IL17D: variants seen among roughly 807,000 people sequenced by gnomAD.
IL17D encodes interleukin 17D.
A neutral mutation model predicts 5.7 loss-of-function variants in IL17D; 10 were observed. The ratio of observed to expected loss-of-function variants is 1.75; its 90% CI spans 1.08 to 2.97. The LOEUF is 2.97. IL17D is among the 30% of genes most tolerant of loss of function. The pLI is 0.00. For missense variants in IL17D, 354 were observed against 292.7 expected (o/e 1.21, Z -1.53); for synonymous variants, 172 against 141.7 (o/e 1.21, Z -1.52).
intron 1 of IL17D, among the ~76,000 whole-genome samples, chr13:20,720,873 A>ACCCCCCCCCCCCCCCCCCCC (rs1566522176): frequency 5.5e-5 from 2 of 36,140 alleles, no homozygotes; most frequent in African/African-American, 1.2e-4. Flanking sequence ...CCTCCCTCCC[A>ACCCCCCCCCCCCCCCCCCCC]ACCCCCCCCC....
At chr13:20,719,027 C>G (rs2058710649) in intron 1 of IL17D, among the ~76,000 whole-genome samples, 1 of 135,706 alleles carries the variant, frequency 7.4e-6, no homozygotes, top group South Asian at 2.2e-4. Flanking sequence ...CATGCCCACA[C>G]AGACACCCGT....
At chr13:20,720,619 C>T (rs2058723826) in intron 1 of IL17D, among the ~76,000 whole-genome samples, 1 of 152,228 alleles carries the variant, frequency 6.6e-6, no homozygotes, top group African/African-American at 2.4e-5. Context: ...AGCAAGGCCA[C>T]CTGGCCAAGC....
At chr13:20,708,752 C>T (rs1243947381) in intron 1 of IL17D, among the ~76,000 whole-genome samples, 2 of 150,190 alleles carry the variant, frequency 1.3e-5, no homozygotes, top group African/African-American at 2.5e-5. Flanking sequence ...GTAATCCCAG[C>T]ACTTTGGGAG....
chr13:20,704,215 C>A lies in IL17D; in HGVS notation c.214C>A (p.Pro72Thr). Residue 72 changes from proline to threonine, a missense_variant, in exon 1 of 2, where the codon CCG becomes ACG. Physicochemically the swap from Pro to Thr is conservative, Grantham distance 38 (BLOSUM62 -1). Transcript: ENST00000682841. Reference protein sequence around the residue: ...PREQARNASCPAGGRPADRRF... With the variant: ...PREQARNASCTAGGRPADRRF... Reference sequence around the variant, plus strand: ...TGAGCAGGCGCGCAACGCGAGCTGCCCGGCAGGGGGCAGGCCCGCCGACCG... The same window carrying A: ...TGAGCAGGCGCGCAACGCGAGCTGCACGGCAGGGGGCAGGCCCGCCGACCG... The A allele has an allele frequency of 7.3e-7, 1 of 1,366,360 alleles. No homozygotes were observed. Among genetic ancestry groups the A allele is most frequent in the Non-Finnish European group, 9.5e-7 (1 of 1,055,588 alleles). The allele number at this position is 1,366,360 out of a possible 1,614,324, so 84.6% of individuals were successfully genotyped here.
In IL17D at chr13:20,704,101, C is replaced by T. The variant is rs2058567567; in HGVS notation, c.100C>T (p.Arg34Trp). ...CGCGCGGCCGCGGGGCTGCGCGGAC[C>T]GGCCGGAGGAGCTACTGGAGCAGCT... ...RPARPRGCADRPEELLEQLYG... is the reference protein window; with the variant it reads ...RPARPRGCADWPEELLEQLYG... The change falls in exon 1 of 2, where the codon CGG becomes TGG. Residue 34 changes from arginine (R) to tryptophan (W), a missense_variant. Physicochemically the swap from Arg to Trp is moderately radical, Grantham distance 101. Coordinates refer to ENST00000682841, the MANE Select transcript of IL17D (RefSeq NM_001385224.1). 8.0e-7 allele frequency: 1 copy of T among 1,255,092 alleles called. No individual in the cohort carries two copies. Among genetic ancestry groups the T allele is most frequent in the Non-Finnish European group, 1.0e-6 (1 of 989,126 alleles). 77.7% of individuals were successfully genotyped at this position (1,255,092 alleles called of 1,614,324 possible).
intron 1 of IL17D, among the ~76,000 whole-genome samples, chr13:20,706,788 C>T (rs560040497): frequency 1.9e-4 from 29 of 152,206 alleles, no homozygotes; most frequent in Admixed American, 1.3e-3. Context: ...ATCTGGGAGC[C>T]GAGGGAGGTT....
chr13:20,715,688 A>C (rs2058673660), intron 1 of IL17D, among the ~76,000 whole-genome samples: 1 of 152,156 alleles, frequency 6.6e-6, no homozygotes, highest in Non-Finnish European at 1.5e-5. Flanking sequence ...TTGCATTAAA[A>C]ATTTTTTTTA....
chr13:20,716,034 C>T lies in IL17D; in HGVS notation c.291-5602C>T. 1 of 971,468 alleles carries T rather than the reference C, an allele frequency of 1.0e-6. No homozygotes were observed. The highest frequency in any genetic ancestry group is 1.2e-6 in the Non-Finnish European group (1 of 817,140). 60.2% of individuals were successfully genotyped at this position (971,468 alleles called of 1,614,324 possible). On this transcript the variant is annotated intron_variant, in intron 1 of 1. Coordinates refer to ENST00000682841, the MANE Select transcript of IL17D (RefSeq NM_001385224.1). The surrounding 1 kb of genome is among the most constrained non-coding windows in gnomAD (Gnocchi z 4.2). The stretch of plus-strand genomic sequence containing the variant: ...ACAGGCATGAGCCACCGCGCCCGGC[C>T]AGAATCGACACTTTTAACAGGAGTC...
chr13:20,712,125 A>AGGGG (rs2058642891), intron 1 of IL17D, among the ~76,000 whole-genome samples: 1 of 152,264 alleles, frequency 6.6e-6, no homozygotes, highest in African/African-American at 2.4e-5. Context: ...CCTGGAATAC[A>AGGGG]GCCAGGAACC....
chr13:20,710,451 T>TAAAA (rs60458842), intron 1 of IL17D, among the ~76,000 whole-genome samples: 27,311 of 83,022 alleles, frequency 0.33, 6,443 homozygotes, highest in Non-Finnish European at 0.47. Context: ...CCATCTCTAC[T>TAAAA]AAAAAAAAAA....
At chr13:20,702,696 C>G (rs548570169), upstream of IL17D, 1 of 152,242 alleles carries the variant, frequency 6.6e-6, no homozygotes, top group South Asian at 2.1e-4. Context: ...TAGGAACTCT[C>G]CAACATCGTC....
upstream of IL17D, chr13:20,703,545 T>G (rs1322678604): frequency 1.9e-6 from 1 of 529,800 alleles, no homozygotes; most frequent in Non-Finnish European, 2.4e-6. Flanking sequence ...GGGGCAAGGG[T>G]GGGTCTGCGA....
chr13:20,720,568 G>A (rs1246318800), intron 1 of IL17D, among the ~76,000 whole-genome samples: 1 of 152,012 alleles, frequency 6.6e-6, no homozygotes, highest in African/African-American at 2.4e-5. Flanking sequence ...GCCCTCTCCG[G>A]TGCCTTCACC....
rs1187637223 is a variant in IL17D at position 20,716,064 on chromosome 13, A to G, written c.291-5572A>G. On this transcript the variant is annotated intron_variant, in intron 1 of 1. Coordinates refer to ENST00000682841, the MANE Select transcript of IL17D (RefSeq NM_001385224.1). The surrounding 1 kb of genome is among the most constrained non-coding windows in gnomAD (Gnocchi z 4.2). ...TCGACACTTTTAACAGGAGTCCCATATAGGCCTCATGCCGGTGGTCTGAAA... is the reference window on the plus strand; with the variant it reads ...TCGACACTTTTAACAGGAGTCCCATGTAGGCCTCATGCCGGTGGTCTGAAA... 2.0e-6 allele frequency: 2 copies of G among 984,834 alleles called. No homozygotes were observed. The highest frequency in any genetic ancestry group is 2.4e-6 in the Non-Finnish European group (2 of 829,514). 61.0% of individuals were successfully genotyped at this position (984,834 alleles called of 1,614,324 possible). A position where few individuals can be genotyped will look rare whatever the true frequency, so the allele number is the denominator to read the frequency against.
In IL17D at chr13:20,722,085, C is replaced by A. The variant is rs568744493; in HGVS notation, c.*131C>A. The A allele has an allele frequency of 1.9e-5, 14 of 721,756 alleles. No individual in the cohort carries two copies. In the African/African-American group the frequency reaches 2.4e-4, roughly 12 times the overall value. The allele number at this position is 721,756 out of a possible 1,614,324, so 44.7% of individuals were successfully genotyped here. A position where few individuals can be genotyped will look rare whatever the true frequency, so the allele number is the denominator to read the frequency against. ...AAACCAAGTGCCGGAGCACCAGCGCCGCCTTTCCATGGAGACTCGTAAGCA... is the reference window on the plus strand; with the variant it reads ...AAACCAAGTGCCGGAGCACCAGCGCAGCCTTTCCATGGAGACTCGTAAGCA... On this transcript the variant is annotated 3_prime_UTR_variant, in exon 2 of 2. Coordinates refer to ENST00000682841, the MANE Select transcript of IL17D (RefSeq NM_001385224.1).
chr13:20,708,166 G>T (rs189756606), intron 1 of IL17D, among the ~76,000 whole-genome samples: 1 of 152,346 alleles, frequency 6.6e-6, no homozygotes, highest in East Asian at 1.9e-4. Flanking sequence ...GCCTGCCTTG[G>T]CTTCCTAAAG....
chr13:20,715,334 C>CAA (rs1438046708), intron 1 of IL17D, among the ~76,000 whole-genome samples: 1 of 152,122 alleles, frequency 6.6e-6, no homozygotes, highest in Admixed American at 6.5e-5. Flanking sequence ...ATCCCATTGG[C>CAA]AACACTGATT....
Position 20,721,862 on chromosome 13 carries a change from C to A in IL17D, c.517C>A (p.Pro173Thr). ...CGTGGGCTGCACCTGCGTCCCCGAG[C>A]CGGAGAAGGACGCAGACAGCATCAA... ...IPVGCTCVPE[P>T]EKDADSINSS... The change falls in exon 2 of 2, where the codon CCG becomes ACG. Residue 173 changes from proline (P) to threonine (T), a missense_variant. By Grantham distance (38) the Pro-to-Thr change is conservative. Transcript: ENST00000682841. 6.2e-7 allele frequency: 1 copy of A among 1,610,496 alleles called. No homozygotes were observed. Among genetic ancestry groups the A allele is most frequent in the East Asian group, 2.2e-5 (1 of 44,834 alleles).
chr13:20,706,702 G>A (rs558253181), intron 1 of IL17D, among the ~76,000 whole-genome samples: 5 of 152,374 alleles, frequency 3.3e-5, no homozygotes, highest in African/African-American at 9.6e-5. Context: ...AGAGTTAGCA[G>A]CACTGGCATT....
Sources: allele counts gnomAD v4.1 joint callset (sites outside exome capture counted in the v4.1 genomes callset), GRCh38; gene constraint gnomAD v4.1.1; non-coding constraint Gnocchi (gnomAD v3.1); transcripts MANE v1.5; gene names NCBI Gene and HGNC (gene_info 2026-07-23, HGNC 2026-07-21).